EPHB2: variants seen among roughly 807,000 people sequenced by gnomAD.
EPHB2 encodes the protein ephrin type-B receptor 2.
EPHB2 carries 18 observed loss-of-function variants against 96.4 expected under a neutral mutation model. The observed-to-expected ratio is 0.19, with a 90% confidence interval of 0.13 to 0.28. The LOEUF (loss-of-function observed/expected upper bound fraction) is 0.28, where lower values mean the gene tolerates loss of function less well. Ranked by LOEUF, EPHB2 falls within the 10% of genes least tolerant of loss-of-function variation. The pLI is 1.00. For synonymous variants in EPHB2, 506 were observed against 534.1 expected, an observed-to-expected ratio of 0.95 and a Z score of 0.72; for missense variants, 989 against 1,355.4, an observed-to-expected ratio of 0.73 and a Z score of 4.25.
At chr1:22,862,930 A>ATGGCCCCTCCGCGAGGCTGTG (rs1367307325) in intron 3 of EPHB2, 107 bp from the exon 4 acceptor site, 43 of 1,417,308 alleles carry the variant, frequency 3.0e-5, no homozygotes, top group Non-Finnish European at 3.9e-5. Context: ...GTGGTGCTGC[A>ATGGCCCCTCCGCGAGGCTGTG]TGGCCCCTCC....
chr1:22,864,233 G>A (rs1638388547), intron 4 of EPHB2, among the ~76,000 whole-genome samples: 2 of 152,130 alleles, frequency 1.3e-5, no homozygotes, highest in Non-Finnish European at 2.9e-5. Flanking sequence ...TTTTAGTAGA[G>A]ACGGGGTTTC....
chr1:22,833,904 A>G (rs1446443004), intron 3 of EPHB2, among the ~76,000 whole-genome samples: 1 of 152,196 alleles, frequency 6.6e-6, no homozygotes, highest in Non-Finnish European at 1.5e-5. Context: ...TGTATCAGCA[A>G]ATATTCTCTA....
chr1:22,909,327 G>A (rs1640017033), intron 13 of EPHB2, among the ~76,000 whole-genome samples, 156 bp downstream of exon 13: 2 of 152,216 alleles, frequency 1.3e-5, no homozygotes, highest in African/African-American at 2.4e-5. Context: ...CCCAATGGTG[G>A]CTGATTCGAA....
chr1:22,779,605 G>T (rs1262593098), intron 1 of EPHB2, among the ~76,000 whole-genome samples: 1 of 152,152 alleles, frequency 6.6e-6, no homozygotes, highest in African/African-American at 2.4e-5. Context: ...TTGTCATTTA[G>T]CCCAGACCAT....
At chr1:22,807,260 A>C (rs1644940054) in intron 3 of EPHB2, among the ~76,000 whole-genome samples, 1 of 151,148 alleles carries the variant, frequency 6.6e-6, no homozygotes, top group Non-Finnish European at 1.5e-5. Context: ...CCTGAGTACT[A>C]CCTTAGGAAG....
chr1:22,743,325 C>T (rs1643927170), intron 1 of EPHB2, among the ~76,000 whole-genome samples: 2 of 152,308 alleles, frequency 1.3e-5, no homozygotes, highest in South Asian at 4.1e-4. Flanking sequence ...ACCTCCAGTA[C>T]AGCTTACCAG....
intron 3 of EPHB2, among the ~76,000 whole-genome samples, chr1:22,822,415 T>C (rs1300553267): frequency 6.6e-6 from 1 of 152,060 alleles, no homozygotes; most frequent in Non-Finnish European, 1.5e-5. Context: ...AAAACAAAAG[T>C]GGCAATGTTA....
intron 9 of EPHB2, among the ~76,000 whole-genome samples, chr1:22,900,787 T>A (rs1214786109): frequency 6.6e-6 from 1 of 152,148 alleles, no homozygotes; most frequent in Non-Finnish European, 1.5e-5. Flanking sequence ...AGAACTTTGT[T>A]CTGTTCAAAG....
At chr1:22,834,267 C>T (rs1645348068) in intron 3 of EPHB2, among the ~76,000 whole-genome samples, 1 of 152,174 alleles carries the variant, frequency 6.6e-6, no homozygotes, top group South Asian at 2.1e-4. Flanking sequence ...GGACCACAAA[C>T]CTTCCCCAGG....
chr1:22,788,684 A>G (rs1238658651), intron 3 of EPHB2, among the ~76,000 whole-genome samples: 2 of 151,604 alleles, frequency 1.3e-5, no homozygotes, highest in Non-Finnish European at 2.9e-5. Context: ...AGGTCTGGGA[A>G]TGTGGCTCTG....
At chr1:22,898,860 C>T (rs981217911) in intron 9 of EPHB2, among the ~76,000 whole-genome samples, 5 of 152,180 alleles carry the variant, frequency 3.3e-5, no homozygotes, top group Non-Finnish European at 7.3e-5. Flanking sequence ...CTAGGAGCTC[C>T]AGGTACGAAG....
chr1:22,818,592 A>ACACCCTC (rs767808159), intron 3 of EPHB2, among the ~76,000 whole-genome samples: 2 of 152,240 alleles, frequency 1.3e-5, no homozygotes, highest in Non-Finnish European at 2.9e-5. Flanking sequence ...GGAAAGCCTG[A>ACACCCTC]CACCCTCCGG....
intron 14 of EPHB2, among the ~76,000 whole-genome samples, chr1:22,911,033 A>G (rs963488912): frequency 2.0e-5 from 3 of 152,008 alleles, no homozygotes; most frequent in African/African-American, 7.2e-5. Flanking sequence ...CCAGCTACTC[A>G]GGAGGCTGAG....
intron 3 of EPHB2, among the ~76,000 whole-genome samples, chr1:22,833,187 G>A (rs975556097): frequency 1.3e-5 from 2 of 151,628 alleles, no homozygotes; most frequent in African/African-American, 4.9e-5. Flanking sequence ...GCGCAGTCTC[G>A]GCTCGCTGCA....
At chr1:22,884,835 C>T (rs994612516) in intron 6 of EPHB2, among the ~76,000 whole-genome samples, 1 of 152,166 alleles carries the variant, frequency 6.6e-6, no homozygotes, top group Non-Finnish European at 1.5e-5. Flanking sequence ...ATTTCATCTT[C>T]TCCTTGTGTC....
At chr1:22,867,872 G>A (rs150028174) in intron 5 of EPHB2, among the ~76,000 whole-genome samples, 6 of 152,036 alleles carry the variant, frequency 3.9e-5, no homozygotes, top group East Asian at 1.9e-4. Context: ...ATTCCATCTC[G>A]AAGAAGAAGA....
At chr1:22,850,113 C>T (rs1416560231) in intron 3 of EPHB2, among the ~76,000 whole-genome samples, 1 of 152,184 alleles carries the variant, frequency 6.6e-6, no homozygotes, top group Non-Finnish European at 1.5e-5. Flanking sequence ...CCCTCAGGTG[C>T]AGCTGATGAC....
At chr1:22,842,771 C>A (rs1417733714) in intron 3 of EPHB2, among the ~76,000 whole-genome samples, 1 of 152,124 alleles carries the variant, frequency 6.6e-6, no homozygotes, top group African/African-American at 2.4e-5. Flanking sequence ...TATTCATTCC[C>A]TCTGAGGAAG....
intron 3 of EPHB2, among the ~76,000 whole-genome samples, chr1:22,835,379 C>CA (rs1227089400): frequency 4.0e-4 from 60 of 150,364 alleles, no homozygotes; most frequent in African/African-American, 1.3e-3. Context: ...GACCCCATCT[C>CA]AAAGAAAAAA....
Sources: gnomAD v4.1 joint callset for allele counts (sites outside exome capture counted in the v4.1 genomes callset) on GRCh38, gnomAD v4.1.1 for gene constraint, MANE v1.5 for transcripts, NCBI Gene and HGNC (gene_info 2026-07-23, HGNC 2026-07-21) for gene names.